The following DIAPH1 variants were observed in gnomAD, a reference collection of about 807,000 sequenced individuals.
The protein encoded by DIAPH1 is protein diaphanous homolog 1.
In DIAPH1, 46 loss-of-function variants were observed where a neutral mutation model predicts 140.7. The ratio of observed to expected loss-of-function variants is 0.33; its 90% confidence interval spans 0.26 to 0.42. The LOEUF (loss-of-function observed/expected upper bound fraction) is 0.42. Ranked by LOEUF, DIAPH1 falls within the 10% of genes least tolerant of loss-of-function variation. The pLI, the probability that DIAPH1 is intolerant of heterozygous loss-of-function variation, is 1.00. For missense variants in DIAPH1, 1,310 were observed against 1,558.7 expected, an observed-to-expected ratio of 0.84 and a Z score of 2.69; for synonymous variants, 565 against 551.6, an observed-to-expected ratio of 1.02 and a Z score of -0.34.
At chr5:141,517,366 TTAAATAGAC>T (rs1481514933) in intron 27 of DIAPH1, among the ~76,000 whole-genome samples, 2 of 152,222 alleles carry the variant, frequency 1.3e-5, no homozygotes, top group Non-Finnish European at 2.9e-5. Context: ...GATGTTGGAA[TTAAATAGAC>T]TAAAGTTTAG....
chr5:141,539,284 A>G (rs1307635840), intron 18 of DIAPH1, among the ~76,000 whole-genome samples: 3 of 152,148 alleles, frequency 2.0e-5, no homozygotes, highest in Non-Finnish European at 2.9e-5. Flanking sequence ...GTCAAAAAAA[A>G]AAAAGAGTTG....
At chr5:141,603,390 G>A (rs2099900458) in intron 1 of DIAPH1, among the ~76,000 whole-genome samples, 1 of 152,160 alleles carries the variant, frequency 6.6e-6, no homozygotes, top group Non-Finnish European at 1.5e-5. Flanking sequence ...TAATAAACTT[G>A]TTAGAATTCA....
At chr5:141,566,889 C>T (rs1327795784) in intron 18 of DIAPH1, among the ~76,000 whole-genome samples, 1 of 98,738 alleles carries the variant, frequency 1.0e-5, no homozygotes, top group Non-Finnish European at 2.1e-5. Flanking sequence ...AGCAAGACTC[C>T]ATCTCAAAAA....
chr5:141,534,848 C>T (rs2099888771), intron 18 of DIAPH1, among the ~76,000 whole-genome samples: 1 of 152,192 alleles, frequency 6.6e-6, no homozygotes, highest in Non-Finnish European at 1.5e-5. Flanking sequence ...AAACTTGATT[C>T]ACAAGAACAG....
At chr5:141,552,918 T>C (rs551355737) in intron 18 of DIAPH1, among the ~76,000 whole-genome samples, 5 of 152,148 alleles carry the variant, frequency 3.3e-5, no homozygotes, top group African/African-American at 1.2e-4. Context: ...AGAAATAAAT[T>C]TCTGTTGTTT....
At chr5:141,544,096 G>C (rs187328343) in intron 18 of DIAPH1, among the ~76,000 whole-genome samples, 14 of 152,002 alleles carry the variant, frequency 9.2e-5, no homozygotes, top group African/African-American at 3.4e-4. Flanking sequence ...AGATCACAAG[G>C]TCAGGAGATC....
chr5:141,595,343 G>A (rs1387769537), intron 1 of DIAPH1, among the ~76,000 whole-genome samples: 1 of 152,190 alleles, frequency 6.6e-6, no homozygotes, highest in Non-Finnish European at 1.5e-5. Flanking sequence ...GTTAATGCAG[G>A]CTCACCAATT....
chr5:141,611,172 G>A (rs572225814), intron 1 of DIAPH1, among the ~76,000 whole-genome samples: 161 of 152,222 alleles, frequency 1.1e-3, no homozygotes, highest in Admixed American at 1.8e-3. Flanking sequence ...CTGAGCCCAG[G>A]AGTTTCAAGG....
At chr5:141,595,019 C>T (rs1197775168) in intron 1 of DIAPH1, among the ~76,000 whole-genome samples, 2 of 140,872 alleles carry the variant, frequency 1.4e-5, no homozygotes, top group Non-Finnish European at 3.0e-5. Flanking sequence ...CCAGCCTGGG[C>T]GACAAGAGCG....
At chr5:141,551,105 T>G (rs893441218) in intron 18 of DIAPH1, among the ~76,000 whole-genome samples, 1 of 152,254 alleles carries the variant, frequency 6.6e-6, no homozygotes, top group Non-Finnish European at 1.5e-5. Context: ...ATTGCACTTA[T>G]GTTAATTTTC....
intron 18 of DIAPH1, among the ~76,000 whole-genome samples, chr5:141,562,324 G>A (rs2099893679): frequency 6.6e-6 from 1 of 151,800 alleles, no homozygotes; most frequent in Non-Finnish European, 1.5e-5. Flanking sequence ...TTTTTTTAAT[G>A]AGGAAAGTCT....
chr5:141,579,104 G>A lies in DIAPH1; in HGVS notation c.917C>T (p.Thr306Ile). ...QPLLDGLKSG[T>I]TIALKVGCLQ... Reference sequence around the variant, plus strand: ...TATACATGCCTTCAGTGCAATAGTGGTTCCACTTTTTAATCCATCCAGCAG... The same window carrying A: ...TATACATGCCTTCAGTGCAATAGTGATTCCACTTTTTAATCCATCCAGCAG... Residue 306 changes from threonine (T) to isoleucine (I), a missense_variant, in exon 9 of 28, where the codon ACC becomes ATC. By Grantham distance (89) the Thr-to-Ile change is moderately conservative (BLOSUM62 -1). Coordinates refer to ENST00000389054, the MANE Select transcript of DIAPH1 (RefSeq NM_005219.5). 1.2e-6 allele frequency: 2 copies of A among 1,613,810 alleles called. No individual in the cohort carries two copies. Among genetic ancestry groups the A allele is most frequent in the Non-Finnish European group, 1.7e-6 (2 of 1,179,730 alleles).
chr5:141,542,933 A>C (rs757896475), intron 18 of DIAPH1, among the ~76,000 whole-genome samples: 4 of 152,218 alleles, frequency 2.6e-5, no homozygotes, highest in Non-Finnish European at 5.9e-5. Flanking sequence ...TGGATTGTAT[A>C]TTAGATAACA....
At chr5:141,544,192 C>T (rs2099890435) in intron 18 of DIAPH1, among the ~76,000 whole-genome samples, 1 of 152,008 alleles carries the variant, frequency 6.6e-6, no homozygotes, top group Non-Finnish European at 1.5e-5. Context: ...CACCTGTAGT[C>T]CCAGCTACTC....
At chr5:141,570,603 G>GA (rs1345101362) in intron 18 of DIAPH1, among the ~76,000 whole-genome samples, 7 of 149,994 alleles carry the variant, frequency 4.7e-5, no homozygotes, top group African/African-American at 1.2e-4. Context: ...ATCACTTAAG[G>GA]AAAAAAAAAG....
intron 1 of DIAPH1, among the ~76,000 whole-genome samples, chr5:141,600,022 C>T (rs1186785655): frequency 1.3e-5 from 2 of 152,192 alleles, no homozygotes; most frequent in East Asian, 3.9e-4. Context: ...AGCACCATGC[C>T]TGGCTCAGGC....
intron 3 of DIAPH1, among the ~76,000 whole-genome samples, chr5:141,585,732 G>A (rs1423671891): frequency 2.6e-5 from 4 of 152,080 alleles, no homozygotes; most frequent in Non-Finnish European, 4.4e-5. Flanking sequence ...CCCAGAAGAC[G>A]GAGGTTGCAA....
chr5:141,555,605 C>T (rs2099892445), intron 18 of DIAPH1, among the ~76,000 whole-genome samples: 1 of 152,178 alleles, frequency 6.6e-6, no homozygotes, highest in Non-Finnish European at 1.5e-5. Context: ...TGCTGTCCCT[C>T]ACCCTAAAAA....
intron 1 of DIAPH1, chr5:141,618,516 C>A (rs1408576906): frequency 1.5e-5 from 5 of 338,728 alleles, no homozygotes; most frequent in African/African-American, 1.1e-4. Flanking sequence ...AGAGACGGGG[C>A]TGAGAGCCGG....
Sources: allele counts gnomAD v4.1 joint callset (sites outside exome capture counted in the v4.1 genomes callset), GRCh38; gene constraint gnomAD v4.1.1; transcripts MANE v1.5; gene names NCBI Gene and HGNC (gene_info 2026-07-23, HGNC 2026-07-21).